PACRG: variants seen among roughly 807,000 people sequenced by gnomAD.
PACRG encodes parkin coregulated gene protein.
A neutral mutation model predicts 29.7 loss-of-function variants in PACRG; 29 were observed. That is an observed-to-expected ratio of 0.98 (90% confidence interval 0.73 to 1.33). The LOEUF is 1.33. Among genes scored for constraint, PACRG ranks in the 40% most tolerant of loss-of-function variants. The probability of loss-of-function intolerance (pLI) is 0.00; values close to 1 mark genes in which losing one functional copy is unlikely to be tolerated. For synonymous variants in PACRG, 116 were observed against 118.7 expected (o/e 0.98, Z 0.15); for missense variants, 279 against 316.2 (o/e 0.88, Z 0.89).
chr6:163,139,561 C>G (rs1817072168), intron 4 of PACRG, among the ~76,000 whole-genome samples: 1 of 151,828 alleles, frequency 6.6e-6, no homozygotes, highest in African/African-American at 2.4e-5. Context: ...TGACATAAAG[C>G]ACTTACTGCA....
At chr6:163,035,248 C>A (rs564340217) in intron 2 of PACRG, among the ~76,000 whole-genome samples, 1 of 152,206 alleles carries the variant, frequency 6.6e-6, no homozygotes, top group Non-Finnish European at 1.5e-5. Flanking sequence ...CACAGTGGCT[C>A]ATGCCCATAA....
At chr6:162,834,263 A>G (rs1789026718) in intron 2 of PACRG, among the ~76,000 whole-genome samples, 1 of 152,162 alleles carries the variant, frequency 6.6e-6, no homozygotes, top group Non-Finnish European at 1.5e-5. Flanking sequence ...ACCTGTACTA[A>G]AAAATTATCA....
intron 2 of PACRG, among the ~76,000 whole-genome samples, chr6:162,886,487 C>G (rs1489959079): frequency 1.3e-5 from 2 of 152,186 alleles, no homozygotes; most frequent in African/African-American, 4.8e-5. Flanking sequence ...GCACGCGTCT[C>G]CTGGAAAGTT....
intron 4 of PACRG, among the ~76,000 whole-genome samples, chr6:163,250,545 C>A (rs191988976): frequency 6.6e-6 from 1 of 152,164 alleles, no homozygotes; most frequent in Non-Finnish European, 1.5e-5. Flanking sequence ...TCAAGGTAAA[C>A]GATCATATCG....
intron 2 of PACRG, among the ~76,000 whole-genome samples, chr6:162,849,600 G>A (rs554265393): frequency 2.0e-5 from 3 of 152,274 alleles, no homozygotes; most frequent in African/African-American, 7.2e-5. Flanking sequence ...AATAGTTCCT[G>A]TCTGTATCCA....
intron 2 of PACRG, among the ~76,000 whole-genome samples, chr6:162,890,301 G>A (rs1414059078): frequency 1.3e-5 from 2 of 151,988 alleles, no homozygotes; most frequent in Admixed American, 1.3e-4. Flanking sequence ...TTTAATCTAA[G>A]GAAGAAACCT....
intron 3 of PACRG, among the ~76,000 whole-genome samples, chr6:163,084,408 A>G (rs182452033): frequency 7.7e-4 from 118 of 152,342 alleles, no homozygotes; most frequent in Non-Finnish European, 1.0e-3. Flanking sequence ...GTGTATCTTA[A>G]TTCTCTGAGA....
intron 2 of PACRG, among the ~76,000 whole-genome samples, chr6:162,979,251 G>A (rs904352564): frequency 2.0e-5 from 3 of 152,058 alleles, no homozygotes; most frequent in Non-Finnish European, 2.9e-5. Flanking sequence ...TCTCACTGTG[G>A]TTTTGACTTG....
At chr6:163,269,825 A>AGGAAGGAAGG (rs869107418) in intron 4 of PACRG, among the ~76,000 whole-genome samples, 3,399 of 38,188 alleles carry the variant, frequency 0.089, 650 homozygotes, top group East Asian at 0.15. Context: ...AGGAAGGAGA[A>AGGAAGGAAGG]AGAAAGAAAG....
intron 2 of PACRG, among the ~76,000 whole-genome samples, chr6:162,983,948 C>A (rs541416169): frequency 6.6e-6 from 1 of 152,062 alleles, no homozygotes; most frequent in Non-Finnish European, 1.5e-5. Context: ...ACCAATTATT[C>A]TTAGGTTTAC....
intron 2 of PACRG, among the ~76,000 whole-genome samples, chr6:162,940,884 C>T (rs75726909): frequency 0.013 from 1,979 of 152,268 alleles, 43 homozygotes; most frequent in African/African-American, 0.046. Flanking sequence ...TCAGAAACTA[C>T]AGCACAGGAT....
chr6:163,033,782 G>A (rs531928017), intron 2 of PACRG, among the ~76,000 whole-genome samples: 1 of 152,318 alleles, frequency 6.6e-6, no homozygotes, highest in East Asian at 1.9e-4. Flanking sequence ...AGCCCCCAAG[G>A]ACATAGAAGA....
At chr6:162,823,477 A>T (rs1584462906) in intron 2 of PACRG, among the ~76,000 whole-genome samples, 1 of 147,242 alleles carries the variant, frequency 6.8e-6, no homozygotes, top group Non-Finnish European at 1.5e-5. Flanking sequence ...TTATCTCTTT[A>T]TCCTTGTTTT....
chr6:163,045,711 C>T (rs921115610), intron 2 of PACRG, among the ~76,000 whole-genome samples: 14 of 150,606 alleles, frequency 9.3e-5, no homozygotes, highest in Non-Finnish European at 2.1e-4. Flanking sequence ...CAACCTCCGC[C>T]TCCCAGGTTC....
At chr6:162,876,938 A>G (rs1793404684) in intron 2 of PACRG, among the ~76,000 whole-genome samples, 1 of 152,214 alleles carries the variant, frequency 6.6e-6, no homozygotes. Flanking sequence ...AGGAAACAAC[A>G]GAGGCTGGAG....
At chr6:163,106,608 G>T (rs74873879) in intron 4 of PACRG, among the ~76,000 whole-genome samples, 182 of 152,226 alleles carry the variant, frequency 1.2e-3, no homozygotes, top group African/African-American at 4.0e-3. Flanking sequence ...CAATAATCAA[G>T]ATTTTTATTG....
At chr6:162,983,199 T>C (rs958007516) in intron 2 of PACRG, among the ~76,000 whole-genome samples, 2 of 151,994 alleles carry the variant, frequency 1.3e-5, no homozygotes, top group African/African-American at 4.8e-5. Flanking sequence ...TGTGAGTGCT[T>C]ATGCATTAGG....
intron 1 of PACRG, among the ~76,000 whole-genome samples, chr6:162,759,893 A>G (rs1392373902): frequency 1.3e-5 from 2 of 152,166 alleles, no homozygotes; most frequent in African/African-American, 4.8e-5. Context: ...TGCCTTAGCT[A>G]TGGTTGCCAG....
At chr6:162,806,662 A>C (rs1786361712) in intron 1 of PACRG, among the ~76,000 whole-genome samples, 1 of 152,120 alleles carries the variant, frequency 6.6e-6, no homozygotes, top group South Asian at 2.1e-4. Flanking sequence ...CTATATACAG[A>C]TGTGTTGTCA....
Sources: gnomAD v4.1 joint callset for allele counts (sites outside exome capture counted in the v4.1 genomes callset) on GRCh38, gnomAD v4.1.1 for gene constraint, MANE v1.5 for transcripts, NCBI Gene and HGNC (gene_info 2026-07-23, HGNC 2026-07-21) for gene names.